PHACTR1: variants seen among roughly 807,000 people sequenced by gnomAD.
PHACTR1 encodes the protein phosphatase and actin regulator 1.
In PHACTR1, 16 loss-of-function variants were observed where a neutral mutation model predicts 69.2. The ratio of observed to expected loss-of-function variants is 0.23; its 90% CI spans 0.16 to 0.35. PHACTR1 has a LOEUF of 0.35. Ranked by LOEUF, PHACTR1 falls within the 10% of genes least tolerant of loss-of-function variation. The pLI is 1.00. For synonymous variants in PHACTR1, 312 were observed against 284.5 expected, an observed-to-expected ratio of 1.10 and a Z score of -0.97; for missense variants, 510 against 734.7, an observed-to-expected ratio of 0.69 and a Z score of 3.54.
intron 4 of PHACTR1, among the ~76,000 whole-genome samples, chr6:12,832,644 T>C (rs990514667): frequency 3.5e-4 from 54 of 152,202 alleles, no homozygotes; most frequent in African/African-American, 1.3e-3. Context: ...AAAATTGGAA[T>C]GTTTTTATTA....
At chr6:12,792,262 C>T (rs950523026) in intron 4 of PHACTR1, among the ~76,000 whole-genome samples, 24 of 151,428 alleles carry the variant, frequency 1.6e-4, no homozygotes, top group African/African-American at 2.2e-4. Flanking sequence ...GTCGGGAGTT[C>T]GAGACCAGCC....
chr6:13,049,925 G>A (rs1408681477), intron 4 of PHACTR1, among the ~76,000 whole-genome samples: 1 of 151,988 alleles, frequency 6.6e-6, no homozygotes, highest in African/African-American at 2.4e-5. Flanking sequence ...AGTAAGTCTG[G>A]GAATATAGGT....
intron 7 of PHACTR1, among the ~76,000 whole-genome samples, chr6:13,205,321 C>T (rs1002879888): frequency 3.3e-5 from 5 of 152,228 alleles, no homozygotes; most frequent in Admixed American, 1.3e-4. Context: ...GATCCACACC[C>T]GTGACCCAAA....
chr6:13,084,430 C>G (rs530673461), intron 5 of PHACTR1, among the ~76,000 whole-genome samples: 2 of 150,730 alleles, frequency 1.3e-5, no homozygotes, highest in African/African-American at 4.9e-5. Flanking sequence ...GCTAAATGAC[C>G]AGTTAATGGG....
chr6:13,060,474 T>A (rs1358966572), intron 5 of PHACTR1, among the ~76,000 whole-genome samples: 1 of 151,928 alleles, frequency 6.6e-6, no homozygotes, highest in Non-Finnish European at 1.5e-5. Context: ...AAAGCAAATG[T>A]GAAAGAGGCA....
chr6:12,806,016 C>T (rs1774285657), intron 4 of PHACTR1, among the ~76,000 whole-genome samples: 1 of 152,222 alleles, frequency 6.6e-6, no homozygotes, highest in Non-Finnish European at 1.5e-5. Flanking sequence ...TCCCACTTCC[C>T]AAATCCCAAT....
intron 4 of PHACTR1, among the ~76,000 whole-genome samples, chr6:12,922,355 G>A (rs969114971): frequency 7.9e-5 from 12 of 152,086 alleles, no homozygotes; most frequent in South Asian, 2.1e-4. Flanking sequence ...CTTATTTTAC[G>A]TAGATCAGTA....
At chr6:12,894,141 A>G (rs1429569546) in intron 4 of PHACTR1, among the ~76,000 whole-genome samples, 1 of 152,202 alleles carries the variant, frequency 6.6e-6, no homozygotes, top group Non-Finnish European at 1.5e-5. Flanking sequence ...CAAATCATTA[A>G]CTCATCTATT....
At chr6:13,208,806 T>C (rs761048024) in intron 8 of PHACTR1, among the ~76,000 whole-genome samples, 4 of 152,244 alleles carry the variant, frequency 2.6e-5, no homozygotes, top group Non-Finnish European at 5.9e-5. Flanking sequence ...ACAAGTTTTA[T>C]AATATCTGTG....
At chr6:13,206,934 G>GA (rs2113880532) in intron 8 of PHACTR1, among the ~76,000 whole-genome samples, 1 of 149,598 alleles carries the variant, frequency 6.7e-6, no homozygotes, top group Admixed American at 6.7e-5. Context: ...GAATCAGTTT[G>GA]TTTTTTTTTT....
chr6:13,120,234 C>T (rs1256969738), intron 5 of PHACTR1, among the ~76,000 whole-genome samples: 1 of 152,136 alleles, frequency 6.6e-6, no homozygotes, highest in Non-Finnish European at 1.5e-5. Flanking sequence ...CTTTCTTCTC[C>T]CTCCCTGCTT....
At chr6:13,164,432 C>T (rs926165326) in intron 6 of PHACTR1, among the ~76,000 whole-genome samples, 1 of 152,104 alleles carries the variant, frequency 6.6e-6, no homozygotes, top group Non-Finnish European at 1.5e-5. Flanking sequence ...AGCTAGTTAC[C>T]GGCAGCAAAA....
intron 8 of PHACTR1, among the ~76,000 whole-genome samples, chr6:13,216,264 C>T (rs969300889): frequency 6.6e-5 from 10 of 152,180 alleles, no homozygotes; most frequent in African/African-American, 2.4e-4. Flanking sequence ...TTCATGTTGC[C>T]TCAAGGGTCA....
At chr6:12,954,595 C>T (rs924641000) in intron 4 of PHACTR1, among the ~76,000 whole-genome samples, 3 of 152,012 alleles carry the variant, frequency 2.0e-5, no homozygotes, top group Non-Finnish European at 4.4e-5. Flanking sequence ...CAAGATAAGA[C>T]TTTGGGAGCC....
chr6:13,072,169 A>G (rs1030071699), intron 5 of PHACTR1, among the ~76,000 whole-genome samples: 2 of 152,172 alleles, frequency 1.3e-5, no homozygotes, highest in Non-Finnish European at 2.9e-5. Flanking sequence ...TACTCATAAT[A>G]ACGTGCCATT....
At chr6:13,184,022 G>C (rs1762518892) in intron 7 of PHACTR1, among the ~76,000 whole-genome samples, 1 of 152,180 alleles carries the variant, frequency 6.6e-6, no homozygotes, top group Admixed American at 6.5e-5. Context: ...CTATAGTTGT[G>C]GTGAGCAAGA....
At chr6:13,118,139 T>C (rs996922897) in intron 5 of PHACTR1, among the ~76,000 whole-genome samples, 1 of 152,254 alleles carries the variant, frequency 6.6e-6, no homozygotes, top group Non-Finnish European at 1.5e-5. Context: ...AAAATGGAAA[T>C]GGATTGTAAG....
intron 4 of PHACTR1, among the ~76,000 whole-genome samples, chr6:12,959,421 CA>C (rs11291357): frequency 0.028 from 4,264 of 152,120 alleles, 201 homozygotes; most frequent in African/African-American, 0.098. Context: ...TGATGCTCAA[CA>C]AACAAAACTA....
intron 4 of PHACTR1, among the ~76,000 whole-genome samples, chr6:12,794,728 T>C (rs1684247410): frequency 6.6e-6 from 1 of 152,192 alleles, no homozygotes; most frequent in African/African-American, 2.4e-5. Flanking sequence ...CTGGCCACCT[T>C]TCAAATGCTC....
Sources: allele counts gnomAD v4.1 joint callset (sites outside exome capture counted in the v4.1 genomes callset), GRCh38; gene constraint gnomAD v4.1.1; transcripts MANE v1.5; gene names NCBI Gene and HGNC (gene_info 2026-07-23, HGNC 2026-07-21).